The following ARK2C variants were observed in gnomAD, a reference collection of about 807,000 sequenced individuals.
ARK2C encodes E3 ubiquitin-protein ligase ARK2C.
the ARK2C span, among the ~76,000 whole-genome samples, chr18:46,378,420 A>G: frequency 6.6e-6 from 1 of 152,096 alleles, no homozygotes; most frequent in African/African-American, 2.4e-5. Flanking sequence ...CCTCCAGCAC[A>G]TTCATTCCCC....
chr18:46,344,750 A>G, the ARK2C span, among the ~76,000 whole-genome samples: 6 of 152,170 alleles, frequency 3.9e-5, no homozygotes, highest in Admixed American at 6.5e-5. Context: ...AAGGTGAGGG[A>G]GTGACAGTGG....
chr18:46,396,263 G>A, the ARK2C span, among the ~76,000 whole-genome samples: 2 of 152,208 alleles, frequency 1.3e-5, no homozygotes, highest in African/African-American at 4.8e-5. Flanking sequence ...TCACAAGGGA[G>A]CAGAAGTGAA....
chr18:46,377,075 T>G, the ARK2C span, among the ~76,000 whole-genome samples: 119 of 152,100 alleles, frequency 7.8e-4, 1 homozygote, highest in Admixed American at 1.5e-3. Context: ...GCATCTTACA[T>G]GTACTAGGAG....
At chr18:46,396,460 G>A in the ARK2C span, among the ~76,000 whole-genome samples, 54 of 152,318 alleles carry the variant, frequency 3.5e-4, no homozygotes, top group Middle Eastern at 3.4e-3. Flanking sequence ...CTCTCAGGAT[G>A]GTGAACTCCA....
the ARK2C span, among the ~76,000 whole-genome samples, chr18:46,379,227 C>T: frequency 6.6e-6 from 1 of 152,228 alleles, no homozygotes; most frequent in African/African-American, 2.4e-5. Flanking sequence ...AGGAAAACCT[C>T]TTTAATCTCT....
chr18:46,346,447 C>A, the ARK2C span, among the ~76,000 whole-genome samples: 2 of 147,198 alleles, frequency 1.4e-5, no homozygotes, highest in African/African-American at 4.9e-5. Flanking sequence ...GGGTTTAGGG[C>A]CTCCTCCCAG....
chr18:46,394,732 C>G, the ARK2C span, among the ~76,000 whole-genome samples: 1 of 152,244 alleles, frequency 6.6e-6, no homozygotes, highest in East Asian at 1.9e-4. Flanking sequence ...AGCTTTCCTT[C>G]ATGTCCACAC....
At chr18:46,425,196 A>C in the ARK2C span, among the ~76,000 whole-genome samples, 1 of 152,140 alleles carries the variant, frequency 6.6e-6, no homozygotes, top group African/African-American at 2.4e-5. Flanking sequence ...TGGCCTGAGG[A>C]GGCGGGAACT....
At chr18:46,429,903 C>T in the ARK2C span, among the ~76,000 whole-genome samples, 1 of 152,110 alleles carries the variant, frequency 6.6e-6, no homozygotes, top group African/African-American at 2.4e-5. Context: ...GGATGTGAGC[C>T]ACTGTGCAGT....
chr18:46,398,346 C>T, the ARK2C span, among the ~76,000 whole-genome samples: 4 of 151,802 alleles, frequency 2.6e-5, no homozygotes, highest in South Asian at 6.2e-4. Flanking sequence ...GGAGGGGGAG[C>T]GACACCAGGC....
chr18:46,382,504 A>G, the ARK2C span, among the ~76,000 whole-genome samples: 1 of 152,102 alleles, frequency 6.6e-6, no homozygotes, highest in African/African-American at 2.4e-5. Context: ...AAATCAATAC[A>G]TTCATCTAGT....
the ARK2C span, among the ~76,000 whole-genome samples, chr18:46,438,108 T>TTA: frequency 6.6e-6 from 1 of 152,242 alleles, no homozygotes; most frequent in Non-Finnish European, 1.5e-5. Context: ...AGCGTGATGT[T>TTA]TAGATACAAA....
the ARK2C span, among the ~76,000 whole-genome samples, chr18:46,429,413 T>C: frequency 1.3e-5 from 2 of 152,222 alleles, no homozygotes; most frequent in African/African-American, 2.4e-5. Flanking sequence ...GGCATTTCTT[T>C]CCTGAAAGAC....
the ARK2C span, among the ~76,000 whole-genome samples, chr18:46,423,348 C>G: frequency 1.3e-5 from 2 of 152,208 alleles, no homozygotes; most frequent in African/African-American, 4.8e-5. Flanking sequence ...AGCCATTCCT[C>G]AGCATCTCCC....
At chr18:46,385,419 G>A in the ARK2C span, among the ~76,000 whole-genome samples, 3 of 152,148 alleles carry the variant, frequency 2.0e-5, no homozygotes, top group Non-Finnish European at 4.4e-5. Context: ...TGTGTGCAGG[G>A]AGGGATTCTG....
chr18:46,390,269 C>G, the ARK2C span, among the ~76,000 whole-genome samples: 2 of 152,202 alleles, frequency 1.3e-5, no homozygotes, highest in Non-Finnish European at 2.9e-5. Context: ...CCCCATCTTT[C>G]CAGGTGGTGA....
At chr18:46,404,765 CACAA>C in the ARK2C span, among the ~76,000 whole-genome samples, 3 of 151,648 alleles carry the variant, frequency 2.0e-5, no homozygotes, top group Admixed American at 2.0e-4. Flanking sequence ...AACACACACA[CACAA>C]ACACACACAC....
chr18:46,384,200 C>T, the ARK2C span, among the ~76,000 whole-genome samples: 1 of 152,282 alleles, frequency 6.6e-6, no homozygotes, highest in South Asian at 2.1e-4. Flanking sequence ...ATCTACTGGG[C>T]CAACCCCTCC....
chr18:46,441,181 C>CA, the ARK2C span, among the ~76,000 whole-genome samples: 2 of 152,016 alleles, frequency 1.3e-5, no homozygotes, highest in Non-Finnish European at 2.9e-5. Flanking sequence ...TTTGTAGAGA[C>CA]AGAGTCTTGC....
Sources: gnomAD v4.1 joint callset for allele counts (sites outside exome capture counted in the v4.1 genomes callset) on GRCh38, gnomAD v4.1.1 for gene constraint, MANE v1.5 for transcripts, NCBI Gene and HGNC (gene_info 2026-07-23, HGNC 2026-07-21) for gene names.